RPS29: variants seen among roughly 807,000 people sequenced by gnomAD.
RPS29 encodes ribosomal protein S29.
For synonymous variants in RPS29, 37 were observed against 26.9 expected, an observed-to-expected ratio of 1.37 and a Z score of -1.16; for missense variants, 60 against 75.7, an observed-to-expected ratio of 0.79 and a Z score of 0.77.
downstream of RPS29, among the ~76,000 whole-genome samples, chr14:49,580,346 TCCTCAA>T (rs1300679790): frequency 6.6e-6 from 1 of 152,202 alleles, no homozygotes; most frequent in Admixed American, 6.5e-5. Flanking sequence ...CTTTTCTACA[TCCTCAA>T]CCTCATCTCC....
chr14:49,598,686 C>G (rs567614258), upstream of RPS29: 35 of 700,066 alleles, frequency 5.0e-5, no homozygotes, highest in Middle Eastern at 4.6e-4. Context: ...GAATCCTCCC[C>G]GAACAGAAAC....
chr14:49,591,189 T>C (rs1035188689), upstream of RPS29, among the ~76,000 whole-genome samples: 3 of 152,162 alleles, frequency 2.0e-5, no homozygotes, highest in African/African-American at 7.2e-5. Context: ...ATGCATACAT[T>C]AAATATATTA....
At chr14:49,580,864 G>A (rs1052775658), downstream of RPS29, among the ~76,000 whole-genome samples, 12 of 145,596 alleles carry the variant, frequency 8.2e-5, no homozygotes, top group Non-Finnish European at 1.5e-4. Context: ...CAGCCTGGGT[G>A]ACATAGCAAG....
chr14:49,596,191 T>A (rs960720848), intron 1 of RPS29, among the ~76,000 whole-genome samples: 1 of 152,098 alleles, frequency 6.6e-6, no homozygotes, highest in African/African-American at 2.4e-5. Flanking sequence ...TTAATTAATA[T>A]GAACAAAAAG....
upstream of RPS29, among the ~76,000 whole-genome samples, chr14:49,589,339 C>G (rs1252977901): frequency 6.6e-6 from 1 of 151,906 alleles, no homozygotes; most frequent in Non-Finnish European, 1.5e-5. Flanking sequence ...TGTCCTTGCC[C>G]AGATAACCCT....
upstream of RPS29, among the ~76,000 whole-genome samples, chr14:49,588,813 G>C (rs1406730882): frequency 6.7e-6 from 1 of 149,068 alleles, no homozygotes; most frequent in Non-Finnish European, 1.5e-5. Flanking sequence ...ACAGGAGTGA[G>C]CCACCACGCC....
chr14:49,598,189 C>A lies in RPS29; in HGVS notation c.-133+211G>T, dbSNP rs555390316. 6 of 546,612 alleles carry A rather than the reference C, an allele frequency of 1.1e-5. No individual in the cohort carries two copies. In the South Asian group the frequency reaches 1.3e-4, roughly 11 times the overall value. 33.9% of individuals were successfully genotyped at this position (546,612 alleles called of 1,614,324 possible). A position where few individuals can be genotyped will look rare whatever the true frequency, so the allele number is the denominator to read the frequency against. ...TAGGATTAGGTTAAGGTGAGAGAGG[C>A]GCCTAGAGCACAAATTTTAAGGAGG... On this transcript the variant is annotated intron_variant, in intron 1 of 3. Transcript: ENST00000556230.
chr14:49,593,843 C>T (rs187555827), intron 1 of RPS29, among the ~76,000 whole-genome samples: 2 of 152,070 alleles, frequency 1.3e-5, no homozygotes, highest in Non-Finnish European at 1.5e-5. Context: ...TACATATAAC[C>T]TGGATTCCAA....
At chr14:49,572,479 T>G (rs1881077925) in exon 3 of RPS29, 1 of 152,250 alleles carries the variant, frequency 6.6e-6, no homozygotes, top group African/African-American at 2.4e-5. Context: ...TATTCTTCTT[T>G]TTGTGAAAAT....
At chr14:49,592,714 G>C (rs1176279905) in intron 1 of RPS29, among the ~76,000 whole-genome samples, 1 of 147,934 alleles carries the variant, frequency 6.8e-6, no homozygotes. Context: ...TTCGAGACCA[G>C]CCTGACCAAC....
chr14:49,573,096 GA>G (rs1189763050), exon 3 of RPS29: 8 of 146,866 alleles, frequency 5.4e-5, no homozygotes, highest in South Asian at 2.1e-4. Flanking sequence ...AAGAAAGAAA[GA>G]AAGAAGGAAA....
At chr14:49,585,134 C>T (rs573207426) in intron 2 of RPS29, among the ~76,000 whole-genome samples, 45 of 152,188 alleles carry the variant, frequency 3.0e-4, no homozygotes, top group African/African-American at 1.0e-3. Flanking sequence ...CTTTGGGAGG[C>T]CGAAGCAGGC....
At chr14:49,586,482 G>A (rs929788372), upstream of RPS29, 61 of 766,822 alleles carry the variant, frequency 8.0e-5, no homozygotes, top group Middle Eastern at 2.3e-4. Flanking sequence ...TGTTTCGCTG[G>A]GTGAGTAAAA....
chr14:49,573,081 G>GAAAGAAAGAAAGAAGGA (rs1555322422), exon 3 of RPS29: 2 of 146,166 alleles, frequency 1.4e-5, no homozygotes, highest in Non-Finnish European at 3.0e-5. Context: ...AGAAAAAAAA[G>GAAAGAAAGAAAGAAGGA]AAGAAAGAAA....
At chr14:49,587,235 TAATA>T (rs1344093734), upstream of RPS29, among the ~76,000 whole-genome samples, 1 of 152,218 alleles carries the variant, frequency 6.6e-6, no homozygotes, top group Non-Finnish European at 1.5e-5. Context: ...GAATGTAAAG[TAATA>T]AACAAGTAAT....
chr14:49,593,193 A>G (rs1162425375), intron 1 of RPS29, among the ~76,000 whole-genome samples: 1 of 152,350 alleles, frequency 6.6e-6, no homozygotes, highest in South Asian at 2.1e-4. Context: ...AAATGAATAA[A>G]TGAAAAGCAG....
chr14:49,572,497 G>A (rs769066693), exon 3 of RPS29: 5 of 152,062 alleles, frequency 3.3e-5, no homozygotes, highest in Non-Finnish European at 5.9e-5. Context: ...AATTACTCAA[G>A]TACCCTGTAG....
At chr14:49,581,602 CT>C (rs1192221785), downstream of RPS29, among the ~76,000 whole-genome samples, 2 of 152,168 alleles carry the variant, frequency 1.3e-5, no homozygotes. Flanking sequence ...CTAATTTTCT[CT>C]TTTAAATTTT....
At chr14:49,579,604 G>C (rs1881280426), downstream of RPS29, among the ~76,000 whole-genome samples, 1 of 152,134 alleles carries the variant, frequency 6.6e-6, no homozygotes, top group South Asian at 2.1e-4. Context: ...CTCTCCTATA[G>C]CACCTACCAT....
Sources: gnomAD v4.1 joint callset for allele counts (sites outside exome capture counted in the v4.1 genomes callset) on GRCh38, gnomAD v4.1.1 for gene constraint, MANE v1.5 for transcripts, NCBI Gene and HGNC (gene_info 2026-07-23, HGNC 2026-07-21) for gene names.